The following VPS13B variants were observed in gnomAD, a reference collection of about 807,000 sequenced individuals.
VPS13B encodes intermembrane lipid transfer protein VPS13B.
In VPS13B, 285 loss-of-function variants were observed where a neutral mutation model predicts 426.4. The ratio of observed to expected loss-of-function variants is 0.67; its 90% CI spans 0.61 to 0.74. The LOEUF (loss-of-function observed/expected upper bound fraction) is 0.74, where lower values mean the gene tolerates loss of function less well. VPS13B is among the 30% of genes least tolerant of loss of function. VPS13B has a pLI of 0.00. For synonymous variants in VPS13B, 1,676 were observed against 1,676.4 expected, an observed-to-expected ratio of 1.00 and a Z score of 0.01; for missense variants, 4,537 against 4,782.6, an observed-to-expected ratio of 0.95 and a Z score of 1.51.
At chr8:99,048,710 G>A (rs951146560) in intron 3 of VPS13B, among the ~76,000 whole-genome samples, 12 of 152,010 alleles carry the variant, frequency 7.9e-5, no homozygotes, top group African/African-American at 2.9e-4. Context: ...AGCCACTCAG[G>A]GGGCTGAGGC....
chr8:99,383,939 G>T (rs916308511), intron 19 of VPS13B, among the ~76,000 whole-genome samples: 7 of 152,110 alleles, frequency 4.6e-5, no homozygotes, highest in African/African-American at 1.7e-4. Flanking sequence ...ACAAGTTTTT[G>T]TGTGGGCATA....
At chr8:99,236,580 C>T (rs908070649) in intron 17 of VPS13B, among the ~76,000 whole-genome samples, 4 of 152,128 alleles carry the variant, frequency 2.6e-5, no homozygotes, top group Admixed American at 2.6e-4. Context: ...AATCTCTAAG[C>T]TCTCTTCTTA....
intron 19 of VPS13B, among the ~76,000 whole-genome samples, chr8:99,338,831 A>G (rs1811074328): frequency 1.3e-5 from 2 of 152,278 alleles, no homozygotes; most frequent in South Asian, 4.1e-4. Context: ...ATTAATAATG[A>G]GGTCCATTAC....
chr8:99,471,882 A>T (rs1249325070), intron 24 of VPS13B, among the ~76,000 whole-genome samples: 1 of 152,154 alleles, frequency 6.6e-6, no homozygotes, highest in Non-Finnish European at 1.5e-5. Flanking sequence ...TATTGGTGAA[A>T]CACTCCAAGT....
intron 30 of VPS13B, among the ~76,000 whole-genome samples, chr8:99,552,352 G>A (rs1175825973): frequency 6.6e-6 from 1 of 151,988 alleles, no homozygotes; most frequent in East Asian, 1.9e-4. Flanking sequence ...CCTGATCTGT[G>A]GAAGTTCTTT....
chr8:99,308,564 T>G (rs543831366), intron 19 of VPS13B, among the ~76,000 whole-genome samples: 5 of 152,320 alleles, frequency 3.3e-5, no homozygotes, highest in African/African-American at 1.2e-4. Context: ...CACATTTTCT[T>G]AATCCAGTCT....
intron 3 of VPS13B, among the ~76,000 whole-genome samples, chr8:99,040,017 T>C (rs1175330747): frequency 6.6e-6 from 1 of 152,182 alleles, no homozygotes; most frequent in Non-Finnish European, 1.5e-5. Context: ...TTAATTATTA[T>C]CTTTTCTTGG....
chr8:99,267,649 C>T (rs1464218959), intron 17 of VPS13B, among the ~76,000 whole-genome samples: 2 of 151,792 alleles, frequency 1.3e-5, no homozygotes, highest in Non-Finnish European at 2.9e-5. Context: ...ATCGCTTGAA[C>T]CAGGGGGTCT....
At chr8:99,238,462 G>T (rs558168088) in intron 17 of VPS13B, among the ~76,000 whole-genome samples, 1 of 152,300 alleles carries the variant, frequency 6.6e-6, no homozygotes, top group East Asian at 1.9e-4. Context: ...TGATGCTTGA[G>T]CTCAGCTGTG....
intron 44 of VPS13B, among the ~76,000 whole-genome samples, chr8:99,810,522 G>C (rs138501178): frequency 6.6e-6 from 1 of 152,320 alleles, no homozygotes; most frequent in Non-Finnish European, 1.5e-5. Context: ...TAATCAAGGA[G>C]CTGGACTTGG....
intron 23 of VPS13B, among the ~76,000 whole-genome samples, chr8:99,451,178 G>A (rs1472566856): frequency 5.3e-5 from 8 of 152,236 alleles, no homozygotes; most frequent in African/African-American, 1.9e-4. Context: ...ACAGGTAAGG[G>A]AGTTAGTTGG....
intron 31 of VPS13B, among the ~76,000 whole-genome samples, chr8:99,560,375 C>A (rs1430224179): frequency 6.6e-6 from 1 of 152,028 alleles, no homozygotes; most frequent in Non-Finnish European, 1.5e-5. Flanking sequence ...CTTCCCTGAG[C>A]CTGTCAGAAG....
chr8:99,854,172 G>A lies in VPS13B; in HGVS notation c.10783G>A (p.Glu3595Lys). 1 of 1,613,940 alleles carries A rather than the reference G, an allele frequency of 6.2e-7. No individual in the cohort carries two copies. The change falls in exon 56 of 62, where the codon GAA becomes AAA. Residue 3595 changes from glutamate (E) to lysine (K), a missense_variant. Glu to Lys is a moderately conservative substitution (Grantham distance 56). Around this residue, in one of 2 missense-constraint regions of VPS13B, gnomAD observed 4,311 missense variants for 4,474.3 expected, o/e 0.96. Transcript: ENST00000357162. ...CACTCCTCTCTCCTTCTCGGTGTTT[G>A]AAAGAGGACCCATCTTCACCACTGC... is the stretch of plus-strand genomic sequence containing the variant. ...DHTPLSFSVF[E>K]RGPIFTTARQ...
At chr8:99,209,936 G>A (rs1037419818) in intron 17 of VPS13B, 1 of 160,808 alleles carries the variant, frequency 6.2e-6, no homozygotes, top group East Asian at 1.9e-4. Flanking sequence ...AAGAGATGTA[G>A]GTTCTGTGGG....
chr8:99,427,486 C>T (rs577769970), intron 21 of VPS13B, among the ~76,000 whole-genome samples: 5 of 151,464 alleles, frequency 3.3e-5, no homozygotes, highest in East Asian at 3.9e-4. Context: ...TTCTTATACA[C>T]CAATAACAGA....
chr8:99,231,690 A>G (rs1283306269), intron 17 of VPS13B, among the ~76,000 whole-genome samples: 4 of 152,142 alleles, frequency 2.6e-5, no homozygotes, highest in Admixed American at 6.5e-5. Flanking sequence ...CAGTTTTACA[A>G]AATCTCTAAG....
rs71273176 is a variant in VPS13B at position 99,354,266 on chromosome 8, C to CTTTTTTTTTTTTTTTTTTTT, written c.2825-29922_2825-29903dup. Among the ~76,000 whole-genome samples the CTTTTTTTTTTTTTTTTTTTT allele has an allele frequency of 1.3e-3, 28 of 22,194 alleles. 8 individuals carry two copies. Among genetic ancestry groups the CTTTTTTTTTTTTTTTTTTTT allele is most frequent in the Non-Finnish European group, 1.5e-3 (16 of 10,404 alleles). The allele number at this position is 22,194 out of a possible 152,430, so 14.6% of individuals were successfully genotyped here. A position where few individuals can be genotyped will look rare whatever the true frequency, so the allele number is the denominator to read the frequency against. On this transcript the variant is annotated intron_variant, in intron 19 of 61. Coordinates refer to ENST00000357162, the MANE Select transcript of VPS13B (RefSeq NM_152564.5). ...TTCTACTGTAGCCCCCTCCCCCTGC[C>CTTTTTTTTTTTTTTTTTTTT]TTTTTTTTTTTTTTTTTTTTTTTTT...
chr8:99,781,701 CA>C (rs1563914997), intron 42 of VPS13B, among the ~76,000 whole-genome samples: 1 of 152,044 alleles, frequency 6.6e-6, no homozygotes, highest in Non-Finnish European at 1.5e-5. Flanking sequence ...TATTAAAGGT[CA>C]GTTTTTAGAG....
At chr8:99,220,121 G>T (rs1366377968) in intron 17 of VPS13B, among the ~76,000 whole-genome samples, 1 of 152,164 alleles carries the variant, frequency 6.6e-6, no homozygotes, top group African/African-American at 2.4e-5. Flanking sequence ...CTGCCATGAT[G>T]AGAAATTAGG....
Sources: gnomAD v4.1 joint callset for allele counts (sites outside exome capture counted in the v4.1 genomes callset) on GRCh38, gnomAD v4.1.1 for gene constraint, gnomAD v4.1.1 regional missense constraint, MANE v1.5 for transcripts, NCBI Gene and HGNC (gene_info 2026-07-23, HGNC 2026-07-21) for gene names.